Variants in AK5 observed in about 807,000 individuals in gnomAD.
AK5 encodes the protein adenylate kinase isoenzyme 5.
A neutral mutation model predicts 69.5 loss-of-function variants in AK5; 27 were observed. That is an observed-to-expected ratio of 0.39 (90% CI 0.29 to 0.54). The LOEUF (loss-of-function observed/expected upper bound fraction) is 0.54. Among genes scored for constraint, AK5 ranks in the 20% least tolerant of loss-of-function variants. AK5 has a pLI of 0.71. For synonymous variants in AK5, 260 were observed against 244.4 expected (o/e 1.06, Z -0.60); for missense variants, 531 against 700.4 (o/e 0.76, Z 2.73).
intron 5 of AK5, among the ~76,000 whole-genome samples, chr1:77,319,983 G>C (rs1660442577): frequency 6.6e-6 from 1 of 152,164 alleles, no homozygotes; most frequent in Non-Finnish European, 1.5e-5. Context: ...ATGCTACTAT[G>C]CAGAAATACC....
intron 10 of AK5, among the ~76,000 whole-genome samples, chr1:77,509,717 C>T (rs1657234115): frequency 1.3e-5 from 2 of 152,144 alleles, no homozygotes; most frequent in Non-Finnish European, 1.5e-5. Context: ...CAAGCTGTAA[C>T]TGGGAAGGCT....
intron 8 of AK5, among the ~76,000 whole-genome samples, chr1:77,444,319 T>TA (rs1652562445): frequency 1.3e-5 from 1 of 78,938 alleles, no homozygotes; most frequent in Non-Finnish European, 2.4e-5. Context: ...ACACAATATA[T>TA]GTGTATATAT....
chr1:77,420,291 GGAAGA>G (rs1029269656), intron 8 of AK5: 1 of 151,944 alleles, frequency 6.6e-6, no homozygotes, highest in African/African-American at 2.4e-5. Flanking sequence ...AGCAGAAGAT[GGAAGA>G]GAAAACTAAA....
At chr1:77,348,269 T>C (rs983047733) in intron 6 of AK5, among the ~76,000 whole-genome samples, 3 of 152,174 alleles carry the variant, frequency 2.0e-5, no homozygotes, top group African/African-American at 7.2e-5. Context: ...ATAATTCAAG[T>C]GAAGACCTTT....
intron 10 of AK5, among the ~76,000 whole-genome samples, chr1:77,518,133 G>A (rs1304648433): frequency 6.6e-6 from 1 of 152,164 alleles, no homozygotes; most frequent in Non-Finnish European, 1.5e-5. Flanking sequence ...CATTCACTAA[G>A]TATCAGGAAT....
intron 1 of AK5, chr1:77,283,136 G>T (rs1157802096): frequency 2.0e-6 from 2 of 985,714 alleles, no homozygotes; most frequent in East Asian, 2.3e-4. Flanking sequence ...CCGGGAATGG[G>T]GGGACACTTG....
At chr1:77,302,544 G>A (rs751148589) in intron 5 of AK5, among the ~76,000 whole-genome samples, 8 of 152,158 alleles carry the variant, frequency 5.3e-5, no homozygotes, top group Non-Finnish European at 5.9e-5. Flanking sequence ...GGCTTGGGTA[G>A]AAAGGCAGCA....
At chr1:77,311,247 G>A (rs1659934615) in intron 5 of AK5, among the ~76,000 whole-genome samples, 1 of 152,118 alleles carries the variant, frequency 6.6e-6, no homozygotes, top group Admixed American at 6.5e-5. Context: ...TTGATTTGAA[G>A]TGGCAAATAA....
At chr1:77,419,367 G>A (rs1229707665) in intron 8 of AK5, among the ~76,000 whole-genome samples, 1 of 152,088 alleles carries the variant, frequency 6.6e-6, no homozygotes, top group Admixed American at 6.5e-5. Context: ...AAGCCAGCTA[G>A]TTAAAGAAAT....
intron 8 of AK5, among the ~76,000 whole-genome samples, chr1:77,458,462 C>T (rs916605417): frequency 2.0e-5 from 3 of 152,150 alleles, no homozygotes; most frequent in African/African-American, 7.2e-5. Flanking sequence ...CATTTTCATG[C>T]TGCTGATAAA....
At chr1:77,364,480 T>C (rs1646917350) in intron 6 of AK5, among the ~76,000 whole-genome samples, 2 of 152,184 alleles carry the variant, frequency 1.3e-5, no homozygotes, top group Non-Finnish European at 2.9e-5. Flanking sequence ...ATTCTTTCTA[T>C]CTAGCTGTAA....
intron 8 of AK5, among the ~76,000 whole-genome samples, chr1:77,435,766 CTAATA>C (rs1651921250): frequency 1.3e-5 from 2 of 151,902 alleles, no homozygotes; most frequent in African/African-American, 4.8e-5. Flanking sequence ...CTCTGTTGTT[CTAATA>C]TAAGAAACCA....
intron 5 of AK5, among the ~76,000 whole-genome samples, chr1:77,302,277 CAAATTTGGTAGATTTCCTCT>C (rs1659383894): frequency 6.6e-6 from 1 of 152,072 alleles, no homozygotes; most frequent in Non-Finnish European, 1.5e-5. Context: ...TGTTTCTTTC[CAAATTTGGTAGATTTCCTCT>C]CAAAAAGAGG....
At chr1:77,296,024 A>G (rs1658983809) in intron 3 of AK5, among the ~76,000 whole-genome samples, 1 of 152,222 alleles carries the variant, frequency 6.6e-6, no homozygotes. Context: ...ATAAGTGTAA[A>G]TAATTTCAAG....
intron 5 of AK5, among the ~76,000 whole-genome samples, chr1:77,332,304 C>G (rs950064341): frequency 4.0e-5 from 6 of 151,674 alleles, no homozygotes; most frequent in Non-Finnish European, 5.9e-5. Flanking sequence ...AAAACCAACC[C>G]CTTAGCTATA....
intron 13 of AK5, among the ~76,000 whole-genome samples, chr1:77,544,123 A>G (rs1306860441): frequency 6.6e-6 from 1 of 152,236 alleles, no homozygotes; most frequent in African/African-American, 2.4e-5. Flanking sequence ...AATGGTAACC[A>G]TTTGTGTATC....
At chr1:77,356,777 A>G (rs746805425) in intron 6 of AK5, among the ~76,000 whole-genome samples, 11 of 152,194 alleles carry the variant, frequency 7.2e-5, no homozygotes, top group Non-Finnish European at 1.5e-4. Context: ...ACTTTCACAT[A>G]CTGATTCTTT....
intron 8 of AK5, among the ~76,000 whole-genome samples, chr1:77,450,065 G>C (rs1261130329): frequency 6.6e-6 from 1 of 152,094 alleles, no homozygotes; most frequent in Non-Finnish European, 1.5e-5. Context: ...TCTAGGGCAG[G>C]GGCAAAATGC....
Position 77,526,531 on chromosome 1 carries a change from C to T in AK5, c.1428+4588C>T, listed in dbSNP as rs182285180. Among the ~76,000 whole-genome samples the T allele has an allele frequency of 4.1e-3, 575 of 141,918 alleles. 6 individuals carry two copies. Among genetic ancestry groups the T allele is most frequent in the Non-Finnish European group, 4.2e-3 (280 of 66,514 alleles). 93.1% of individuals were successfully genotyped at this position (141,918 alleles called of 152,430 possible). ...CGCTCTGTCGCCCAGGCTGGAGTGCCGTGGTGCGATCTTGGCTCACTGCAA... is the reference window on the plus strand; with the variant it reads ...CGCTCTGTCGCCCAGGCTGGAGTGCTGTGGTGCGATCTTGGCTCACTGCAA... On this transcript the variant is annotated intron_variant, in intron 12 of 13. Coordinates refer to ENST00000354567, the MANE Select transcript of AK5 (RefSeq NM_174858.3).
Sources: allele counts gnomAD v4.1 joint callset (sites outside exome capture counted in the v4.1 genomes callset), GRCh38; gene constraint gnomAD v4.1.1; transcripts MANE v1.5; gene names NCBI Gene and HGNC (gene_info 2026-07-23, HGNC 2026-07-21).